The following KLF8 variants were observed in gnomAD, a reference collection of about 807,000 sequenced individuals.
KLF8 encodes KLF transcription factor 8, also known as Krueppel-like factor 8.
Under a neutral mutation model 18.2 loss-of-function variants are expected in KLF8, and 10 were observed. The ratio of observed to expected loss-of-function variants is 0.55; its 90% CI spans 0.34 to 0.93. The LOEUF (loss-of-function observed/expected upper bound fraction) is 0.93. Among genes scored for constraint, KLF8 ranks in the 40% least tolerant of loss-of-function variants. KLF8 has a pLI of 0.02. For synonymous variants in KLF8, 109 were observed against 97.3 expected, an observed-to-expected ratio of 1.12 and a Z score of -0.71; for missense variants, 264 against 277.9, an observed-to-expected ratio of 0.95 and a Z score of 0.36.
intron 1 of KLF8, among the ~76,000 whole-genome samples, chrX:56,236,423 T>C (rs946473584): frequency 2.7e-5 from 3 of 111,473 alleles, no homozygotes; most frequent in African/African-American, 9.8e-5. Context: ...AGTGGGAAAA[T>C]GTAGCTGTTG....
chrX:56,221,435 A>G, the KLF8 span, among the ~76,000 whole-genome samples: 1 of 112,076 alleles, frequency 8.9e-6, no homozygotes, highest in Admixed American at 9.4e-5. Context: ...GTCATGTCCT[A>G]TTGTGTCAGG....
At chrX:56,007,265 G>A in the KLF8 span, among the ~76,000 whole-genome samples, 3 of 111,045 alleles carry the variant, frequency 2.7e-5, no homozygotes, top group African/African-American at 9.8e-5. Context: ...AGAGATGCAG[G>A]GTCTGTTGGG....
At chrX:56,202,040 G>A in the KLF8 span, among the ~76,000 whole-genome samples, 1 of 111,112 alleles carries the variant, frequency 9.0e-6, no homozygotes, top group Admixed American at 9.6e-5. Flanking sequence ...TCATTGCCAA[G>A]CCCATTAAGA....
chrX:56,200,679 A>C, the KLF8 span, among the ~76,000 whole-genome samples: 1 of 111,332 alleles, frequency 9.0e-6, no homozygotes, highest in African/African-American at 3.3e-5. Flanking sequence ...AAGCCATCTT[A>C]TGGAATGGGA....
the KLF8 span, among the ~76,000 whole-genome samples, chrX:56,115,832 T>C: frequency 8.9e-6 from 1 of 112,180 alleles, no homozygotes; most frequent in African/African-American, 3.2e-5. Context: ...ATACTGTTAT[T>C]ACCACTTTTT....
chrX:56,234,424 C>T (rs1235704164), intron 1 of KLF8, among the ~76,000 whole-genome samples: 1 of 111,786 alleles, frequency 8.9e-6, no homozygotes, highest in Non-Finnish European at 1.9e-5. Context: ...GCAGAGGCTG[C>T]CACTTGTATC....
At chrX:55,931,254 T>A in the KLF8 span, among the ~76,000 whole-genome samples, 6 of 112,284 alleles carry the variant, frequency 5.3e-5, no homozygotes, top group East Asian at 1.7e-3. Context: ...TCCTTTATCT[T>A]TTTTTGTCTA....
At chrX:56,010,306 C>T in the KLF8 span, among the ~76,000 whole-genome samples, 9,550 of 111,607 alleles carry the variant, frequency 0.086, 999 homozygotes, top group African/African-American at 0.3. Context: ...GGGGCCAATA[C>T]TCAACATTCT....
At chrX:56,203,261 T>C in the KLF8 span, among the ~76,000 whole-genome samples, 1 of 112,308 alleles carries the variant, frequency 8.9e-6, no homozygotes, top group African/African-American at 3.2e-5. Flanking sequence ...TTTGATCTTT[T>C]TTATTGAATT....
chrX:56,066,475 C>T, the KLF8 span, among the ~76,000 whole-genome samples: 1 of 111,985 alleles, frequency 8.9e-6, no homozygotes, highest in Non-Finnish European at 1.9e-5. Context: ...CCCTGATGCT[C>T]AGGAGGGTGA....
chrX:55,988,828 G>A, the KLF8 span, among the ~76,000 whole-genome samples: 1,655 of 111,432 alleles, frequency 0.015, 39 homozygotes, highest in African/African-American at 0.051. Context: ...TTCTCCCTAC[G>A]CATGAGCATG....
the KLF8 span, among the ~76,000 whole-genome samples, chrX:56,103,509 A>C: frequency 2.7e-5 from 3 of 110,895 alleles, no homozygotes; most frequent in African/African-American, 9.8e-5. Flanking sequence ...TTGGCTCTCT[A>C]TTTGTCTATT....
chrX:56,033,279 CTTT>C, the KLF8 span, among the ~76,000 whole-genome samples: 2 of 111,318 alleles, frequency 1.8e-5, no homozygotes, highest in Non-Finnish European at 3.8e-5. Context: ...CAGTATTTTT[CTTT>C]ATGTGGCTGG....
the KLF8 span, among the ~76,000 whole-genome samples, chrX:56,104,089 T>A: frequency 8.9e-6 from 1 of 112,043 alleles, no homozygotes; most frequent in African/African-American, 3.2e-5. Flanking sequence ...ATAAGCTTTT[T>A]GATGTGCTGC....
At chrX:55,955,507 G>A in the KLF8 span, among the ~76,000 whole-genome samples, 4 of 111,819 alleles carry the variant, frequency 3.6e-5, no homozygotes. Context: ...TCTCACTGCT[G>A]TGTATTGAAA....
At chrX:56,170,615 G>A in the KLF8 span, among the ~76,000 whole-genome samples, 2 of 109,485 alleles carry the variant, frequency 1.8e-5, no homozygotes, top group Admixed American at 9.9e-5. Context: ...CATACAGACA[G>A]GACATTTAAA....
the KLF8 span, among the ~76,000 whole-genome samples, chrX:56,058,277 T>TAC: frequency 6.0e-5 from 2 of 33,114 alleles, no homozygotes; most frequent in South Asian, 2.0e-3. Context: ...TACATATATA[T>TAC]ACATATATAT....
At chrX:56,083,501 T>C in the KLF8 span, among the ~76,000 whole-genome samples, 3 of 112,248 alleles carry the variant, frequency 2.7e-5, no homozygotes, top group East Asian at 8.3e-4. Flanking sequence ...TTTTTTTGAT[T>C]ATCTCATAGC....
At chrX:56,249,832 T>A (rs185218499) in intron 1 of KLF8, among the ~76,000 whole-genome samples, 5 of 111,603 alleles carry the variant, frequency 4.5e-5, no homozygotes, top group African/African-American at 1.3e-4. Context: ...ATAAAATACG[T>A]CTCTAGAGAG....
Sources: gnomAD v4.1 joint callset for allele counts (sites outside exome capture counted in the v4.1 genomes callset) on GRCh38, gnomAD v4.1.1 for gene constraint, MANE v1.5 for transcripts, NCBI Gene and HGNC (gene_info 2026-07-23, HGNC 2026-07-21) for gene names.